CLASP2: variants seen among roughly 807,000 people sequenced by gnomAD.
The protein encoded by CLASP2 is cytoplasmic linker associated protein 2, also known as CLIP-associating protein 2.
In CLASP2, 47 loss-of-function variants were observed where a neutral mutation model predicts 194.4. The ratio of observed to expected loss-of-function variants is 0.24; its 90% CI spans 0.19 to 0.31. CLASP2 has a LOEUF of 0.31. CLASP2 is among the 10% of genes least tolerant of loss of function. The probability of loss-of-function intolerance (pLI) is 1.00; values close to 1 mark genes in which losing one functional copy is unlikely to be tolerated. For missense variants in CLASP2, 1,445 were observed against 1,823.6 expected (o/e 0.79, Z 3.78); for synonymous variants, 619 against 633.5 (o/e 0.98, Z 0.34).
intron 7 of CLASP2, among the ~76,000 whole-genome samples, chr3:33,657,315 C>A (rs556969439): frequency 6.6e-6 from 1 of 152,008 alleles, no homozygotes; most frequent in Non-Finnish European, 1.5e-5. Context: ...ATATACATAT[C>A]TTTATTGTTT....
chr3:33,538,686 C>A, intron 33 of CLASP2, 103 bp downstream of exon 33: 1 of 941,772 alleles, frequency 1.1e-6, no homozygotes, highest in South Asian at 2.3e-5. Flanking sequence ...GTGACTGATC[C>A]CTAGAAAAGT....
At chr3:33,560,466 C>T (rs2061640075) in intron 28 of CLASP2, among the ~76,000 whole-genome samples, 1 of 152,136 alleles carries the variant, frequency 6.6e-6, no homozygotes. Context: ...TGGTCTCGAA[C>T]TCCTGACCTC....
chr3:33,671,879 G>A (rs887824387), intron 6 of CLASP2, among the ~76,000 whole-genome samples: 2 of 152,056 alleles, frequency 1.3e-5, no homozygotes, highest in African/African-American at 4.8e-5. Context: ...AGGCGGCAGC[G>A]AGGCTGGGAG....
chr3:33,559,064 T>A lies in CLASP2; in HGVS notation c.3009+243A>T, dbSNP rs184711263. 1.5e-4 allele frequency: 89 copies of A among 587,478 alleles called. 1 individual carries two copies. In the East Asian group the frequency reaches 2.4e-3, roughly 16 times the overall value. The allele number at this position is 587,478 out of a possible 1,614,324, so 36.4% of individuals were successfully genotyped here. ...ACAAAGGTTAGTAGTTGAATACAGATGCAAACACTGCAGAGAGTTAAGAAA... is the reference window on the plus strand; with the variant it reads ...ACAAAGGTTAGTAGTTGAATACAGAAGCAAACACTGCAGAGAGTTAAGAAA... On this transcript the variant is annotated intron_variant, in intron 29 of 38. Coordinates refer to ENST00000682230, the MANE Select transcript of CLASP2 (RefSeq NM_001365631.1).
At chr3:33,709,303 T>C (rs1354878205) in intron 1 of CLASP2, among the ~76,000 whole-genome samples, 5 of 152,208 alleles carry the variant, frequency 3.3e-5, no homozygotes, top group Non-Finnish European at 7.3e-5. Context: ...AATTTCACCA[T>C]ATTTCATCCA....
intron 29 of CLASP2, among the ~76,000 whole-genome samples, chr3:33,558,037 C>A (rs1373792828): frequency 6.6e-6 from 1 of 152,328 alleles, no homozygotes; most frequent in Non-Finnish European, 1.5e-5. Context: ...TCATCCCCCA[C>A]TCACCCAGAG....
At chr3:33,562,041 C>CT (rs550888030) in intron 27 of CLASP2, among the ~76,000 whole-genome samples, 3 of 151,836 alleles carry the variant, frequency 2.0e-5, no homozygotes, top group South Asian at 2.1e-4. Flanking sequence ...TAGATGAACT[C>CT]TTTTTTTTCT....
intron 27 of CLASP2, among the ~76,000 whole-genome samples, chr3:33,565,126 T>C (rs1454618166): frequency 1.3e-5 from 2 of 152,152 alleles, no homozygotes; most frequent in Non-Finnish European, 2.9e-5. Context: ...TGGTGATCCA[T>C]TCCACCTAAC....
At chr3:33,592,679 T>A (rs1560199321) in intron 20 of CLASP2, 183 bp from the exon 21 acceptor site, 1 of 649,238 alleles carries the variant, frequency 1.5e-6, no homozygotes, top group Admixed American at 2.4e-5. Context: ...TGTTATACCA[T>A]AAGCTAATTT....
rs780816720 is a variant in CLASP2 at position 33,706,948 on chromosome 3, AAGAG to A, written c.196-10019_196-10016del. On this transcript the variant is annotated intron_variant, in intron 1 of 38. Coordinates refer to ENST00000682230, the MANE Select transcript of CLASP2 (RefSeq NM_001365631.1). ...CCACTGCACTCCAGACTAGGCAACA[AAGAG>A]AGAGAGAGACCCTGTCTCAAAAAAT... Among the ~76,000 whole-genome samples the A allele has an allele frequency of 3.3e-5, 5 of 152,010 alleles. No individual in the cohort carries two copies. In the South Asian group the frequency reaches 6.2e-4, roughly 19 times the overall value.
chr3:33,587,695 A>C (rs772792228), intron 21 of CLASP2, among the ~76,000 whole-genome samples: 1 of 152,198 alleles, frequency 6.6e-6, no homozygotes, highest in Non-Finnish European at 1.5e-5. Flanking sequence ...GAATCTTTAA[A>C]TCCAATTTCT....
At chr3:33,512,429 G>A (rs1372086902) in intron 36 of CLASP2, among the ~76,000 whole-genome samples, 1 of 28,722 alleles carries the variant, frequency 3.5e-5, no homozygotes, top group Admixed American at 5.8e-4. Flanking sequence ...AGGGGGGAGG[G>A]ATAGCATTGG....
At chr3:33,687,249 G>A in intron 4 of CLASP2, 114 bp from the exon 5 acceptor site, 1 of 610,352 alleles carries the variant, frequency 1.6e-6, no homozygotes, top group Non-Finnish European at 2.9e-6. Context: ...GACAGGATGG[G>A]CACACATCAT....
rs1185151436 is a variant in CLASP2 at position 33,684,419 on chromosome 3, T to C, written c.584A>G (p.Tyr195Cys). Residue 195 changes from tyrosine to cysteine, a missense_variant, in exon 6 of 39, where the codon TAT becomes TGT. Coordinates refer to ENST00000682230, the MANE Select transcript of CLASP2 (RefSeq NM_001365631.1). Reference protein sequence around the residue: ...DAAILAIVEIYRHVGEKVRMD... With the variant: ...DAAILAIVEICRHVGEKVRMD... Reference sequence around the variant, plus strand: ...CCTCACTTTTTCTCCCACATGTCTATAAATCTCCACTATAGCCAATATTGC... The same window carrying C: ...CCTCACTTTTTCTCCCACATGTCTACAAATCTCCACTATAGCCAATATTGC... 1 of 1,605,080 alleles carries C rather than the reference T, an allele frequency of 6.2e-7. No individual in the cohort carries two copies. The highest frequency in any genetic ancestry group is 1.7e-5 in the Admixed American group (1 of 59,378).
At chr3:33,622,385 TA>T in intron 10 of CLASP2, 105 bp from the exon 11 acceptor site, 41 of 812,482 alleles carry the variant, frequency 5.0e-5, no homozygotes, top group Non-Finnish European at 7.0e-5. Flanking sequence ...AAATGAAACA[TA>T]TATAATGTTT....
chr3:33,646,259 A>G (rs2082269790), intron 7 of CLASP2, among the ~76,000 whole-genome samples: 1 of 151,850 alleles, frequency 6.6e-6, no homozygotes, highest in South Asian at 2.1e-4. Flanking sequence ...ATATGCCAAG[A>G]AAGTTTTAAG....
chr3:33,597,194 T>C (rs528932787), intron 18 of CLASP2, among the ~76,000 whole-genome samples: 1 of 152,280 alleles, frequency 6.6e-6, no homozygotes, highest in East Asian at 1.9e-4. Flanking sequence ...TTCTTAGAAC[T>C]TTCAGCCCCT....
intron 34 of CLASP2, among the ~76,000 whole-genome samples, chr3:33,527,927 C>A (rs2055053026): frequency 6.6e-6 from 1 of 152,092 alleles, no homozygotes; most frequent in Non-Finnish European, 1.5e-5. Context: ...CATGCTGCTG[C>A]CCCCCAGCCT....
rs2046068988 is a variant in CLASP2, at chr3:33,498,443, C to T, written c.*188G>A. 4.4e-6 allele frequency: 2 copies of T among 455,872 alleles called. No individual in the cohort carries two copies. The highest frequency in any genetic ancestry group is 3.3e-5 in the East Asian group (1 of 30,544). 28.2% of individuals were successfully genotyped at this position (455,872 alleles called of 1,614,324 possible). On this transcript the variant is annotated 3_prime_UTR_variant, in exon 39 of 39. Coordinates refer to ENST00000682230, the MANE Select transcript of CLASP2 (RefSeq NM_001365631.1). ...TTCTTCTTGAATTTGGAATAACTAT[C>T]ATAAAAGTTACATGCAGACTGAGGA...
Sources: gnomAD v4.1 joint callset for allele counts (sites outside exome capture counted in the v4.1 genomes callset) on GRCh38, gnomAD v4.1.1 for gene constraint, MANE v1.5 for transcripts, NCBI Gene and HGNC (gene_info 2026-07-23, HGNC 2026-07-21) for gene names.